Variants in NIBAN2 observed in about 807,000 individuals in gnomAD.
NIBAN2 encodes protein Niban 2.
In NIBAN2, 36 loss-of-function variants were observed where a neutral mutation model predicts 81.8. The ratio of observed to expected loss-of-function variants is 0.44; its 90% CI spans 0.34 to 0.58. The LOEUF is 0.58. NIBAN2 is among the 20% of genes least tolerant of loss of function. The pLI, the probability that NIBAN2 is intolerant of heterozygous loss-of-function variation, is 0.02. For synonymous variants in NIBAN2, 445 were observed against 441.6 expected (o/e 1.01, Z -0.10); for missense variants, 897 against 1,014.1 (o/e 0.88, Z 1.57).
intron 1 of NIBAN2, among the ~76,000 whole-genome samples, chr9:127,565,432 TA>T (rs967789580): frequency 2.0e-5 from 3 of 152,190 alleles, no homozygotes; most frequent in Admixed American, 2.0e-4. Flanking sequence ...GTGAATATAC[TA>T]AAAACCGCTG....
At chr9:127,522,099 A>G (rs1337261439) in intron 5 of NIBAN2, among the ~76,000 whole-genome samples, 6 of 152,138 alleles carry the variant, frequency 3.9e-5, no homozygotes. Context: ...GCCCTGGGCC[A>G]GGCAGCCAGA....
At chr9:127,572,741 AT>A (rs986727596), upstream of NIBAN2, among the ~76,000 whole-genome samples, 33 of 149,562 alleles carry the variant, frequency 2.2e-4, no homozygotes, top group Admixed American at 8.7e-4. Context: ...TGTTGCGAGG[AT>A]TTTTTTTTTA....
At chr9:127,547,991 C>T (rs968593466) in intron 1 of NIBAN2, among the ~76,000 whole-genome samples, 9 of 152,206 alleles carry the variant, frequency 5.9e-5, no homozygotes, top group African/African-American at 2.2e-4. Flanking sequence ...CTCGAAGGAG[C>T]TCCATCTGTC....
At chr9:127,531,461 G>A (rs1837178465) in intron 2 of NIBAN2, among the ~76,000 whole-genome samples, 187 bp downstream of exon 2, 1 of 151,734 alleles carries the variant, frequency 6.6e-6, no homozygotes, top group South Asian at 2.1e-4. Context: ...TCCAGCCTGA[G>A]TGACAGAGCG....
At chr9:127,546,132 T>C (rs1384538563) in intron 1 of NIBAN2, among the ~76,000 whole-genome samples, 1 of 152,124 alleles carries the variant, frequency 6.6e-6, no homozygotes, top group Non-Finnish European at 1.5e-5. Flanking sequence ...TCTATGACAG[T>C]GATTGTGTAG....
chr9:127,553,103 G>A (rs1837608119), intron 1 of NIBAN2, among the ~76,000 whole-genome samples: 1 of 152,082 alleles, frequency 6.6e-6, no homozygotes, highest in Admixed American at 6.5e-5. Flanking sequence ...CTGGGTGGTA[G>A]GATTATCGGT....
intron 1 of NIBAN2, among the ~76,000 whole-genome samples, chr9:127,541,734 A>G (rs1837383297): frequency 6.6e-6 from 1 of 152,140 alleles, no homozygotes; most frequent in Non-Finnish European, 1.5e-5. Context: ...TCCCCCACCC[A>G]ATCAATTCCT....
In NIBAN2 at chr9:127,559,599, C is replaced by T. The variant is rs1401714896; in HGVS notation, c.55+9221G>A. 1.3e-5 allele frequency among the ~76,000 whole-genome samples: 2 copies of T among 152,224 alleles called. No individual in the cohort carries two copies. Among genetic ancestry groups the T allele is most frequent in the Non-Finnish European group, 2.9e-5 (2 of 68,032 alleles). On this transcript the variant is annotated intron_variant, in intron 1 of 13. Coordinates refer to ENST00000373312, the MANE Select transcript of NIBAN2 (RefSeq NM_022833.4). This position sits in a 1 kb window ranked among gnomAD's most constrained non-coding sequence, Gnocchi z 4.0. The stretch of plus-strand genomic sequence containing the variant: ...TAAGCTTCACAAATTCGGCTGGACA[C>T]AAATAGTTCTGCTCAGCATGGGGCA...
In NIBAN2 at chr9:127,563,490, GGCATCTA is replaced by G. The variant is rs1187108342; in HGVS notation, c.55+5323_55+5329del. 6.6e-6 allele frequency among the ~76,000 whole-genome samples: 1 copy of G among 152,016 alleles called. No individual in the cohort carries two copies. Among genetic ancestry groups the G allele is most frequent in the Non-Finnish European group, 1.5e-5 (1 of 68,024 alleles). On this transcript the variant is annotated intron_variant, in intron 1 of 13. Coordinates refer to ENST00000373312, the MANE Select transcript of NIBAN2 (RefSeq NM_022833.4). This position sits in a 1 kb window ranked among gnomAD's most constrained non-coding sequence, Gnocchi z 4.1. ...GGAACCCCTCCATCCCTTCACTCTTGGCATCTACAGCCACTTCCCAAATGTTGAGAGG... is the reference window on the plus strand; with the variant it reads ...GGAACCCCTCCATCCCTTCACTCTTGCAGCCACTTCCCAAATGTTGAGAGG...
rs371675493 is a variant in NIBAN2, at chr9:127,527,106, G to A, written c.315+88C>T. ...ACCGCGTGCAGGCTGTGACGGTGGC[G>A]TCTGGGGCCTAAGTTTCCGAGTTGG... On this transcript the variant is annotated intron_variant, in intron 3 of 13. Coordinates refer to ENST00000373312, the MANE Select transcript of NIBAN2 (RefSeq NM_022833.4). 50 of 1,537,610 alleles carry A rather than the reference G, an allele frequency of 3.3e-5. No homozygotes were observed. The Middle Eastern group carries it at 8.9e-4, about 27-fold the overall frequency.
rs2132165277 is a variant in NIBAN2 at position 127,517,286 on chromosome 9, C to T, written c.706-70G>A. ...CAGCTGGCCTGTTTCTCTCTGCATTCCCACAAGCCAGGCCGCTGCAGCCCC... is the reference window on the plus strand; with the variant it reads ...CAGCTGGCCTGTTTCTCTCTGCATTTCCACAAGCCAGGCCGCTGCAGCCCC... On this transcript the variant is annotated intron_variant, in intron 6 of 13. Transcript: ENST00000373312. This position sits in a 1 kb window ranked among gnomAD's most constrained non-coding sequence, Gnocchi z 4.0. 7.3e-7 allele frequency: 1 copy of T among 1,378,632 alleles called. No homozygotes were observed. The highest frequency in any genetic ancestry group is 2.4e-5 in the East Asian group (1 of 42,290). 85.4% of individuals were successfully genotyped at this position (1,378,632 alleles called of 1,614,324 possible).
chr9:127,556,025 C>A (rs1275702853), intron 1 of NIBAN2, among the ~76,000 whole-genome samples: 4 of 151,984 alleles, frequency 2.6e-5, no homozygotes, highest in African/African-American at 9.7e-5. Context: ...AGGTGTCCAC[C>A]CCACCCTACC....
chr9:127,533,627 C>T (rs556852656), intron 1 of NIBAN2, among the ~76,000 whole-genome samples: 28 of 152,314 alleles, frequency 1.8e-4, no homozygotes, highest in African/African-American at 6.7e-4. Flanking sequence ...GAGCGAGACC[C>T]TGTCTCAACA....
chr9:127,523,169 T>TTA (rs1836977207), intron 5 of NIBAN2, among the ~76,000 whole-genome samples: 1 of 11,334 alleles, frequency 8.8e-5, no homozygotes, highest in Non-Finnish European at 1.6e-4. Flanking sequence ...TTGGTGGTTT[T>TTA]AAAAAAAAAA....
At chr9:127,525,469 A>C (rs1287279792) in intron 3 of NIBAN2, among the ~76,000 whole-genome samples, 1 of 152,200 alleles carries the variant, frequency 6.6e-6, no homozygotes, top group Non-Finnish European at 1.5e-5. Context: ...AAACCAGGGA[A>C]TCAAGAATAT....
chr9:127,527,735 C>G (rs2243557), intron 2 of NIBAN2, among the ~76,000 whole-genome samples: 101,009 of 152,210 alleles, frequency 0.66, 33,831 homozygotes, highest in African/African-American at 0.69. Flanking sequence ...GCTCCGGGCA[C>G]GGGGGACACA....
intron 8 of NIBAN2, among the ~76,000 whole-genome samples, chr9:127,514,160 T>C (rs1249133533): frequency 1.3e-5 from 2 of 151,682 alleles, no homozygotes; most frequent in African/African-American, 4.9e-5. Flanking sequence ...TCCCAGCTAC[T>C]TGGGAGGCTG....
At chr9:127,572,772 C>T (rs547178110), upstream of NIBAN2, among the ~76,000 whole-genome samples, 1 of 151,890 alleles carries the variant, frequency 6.6e-6, no homozygotes, top group Admixed American at 6.6e-5. Context: ...AGGCTGAGCA[C>T]GGTGGCTCAC....
intron 1 of NIBAN2, among the ~76,000 whole-genome samples, chr9:127,542,108 A>G (rs1319615324): frequency 6.6e-6 from 1 of 152,150 alleles, no homozygotes; most frequent in Non-Finnish European, 1.5e-5. Flanking sequence ...GAGTTGCCCA[A>G]CGTTTCCTGG....
Sources: allele counts gnomAD v4.1 joint callset (sites outside exome capture counted in the v4.1 genomes callset), GRCh38; gene constraint gnomAD v4.1.1; non-coding constraint Gnocchi (gnomAD v3.1); transcripts MANE v1.5; gene names NCBI Gene and HGNC (gene_info 2026-07-23, HGNC 2026-07-21).